DSE: variants seen among roughly 807,000 people sequenced by gnomAD.
DSE encodes the protein dermatan-sulfate epimerase.
Under a neutral mutation model 84.4 loss-of-function variants are expected in DSE, and 36 were observed. That is an observed-to-expected ratio of 0.43 (90% confidence interval 0.33 to 0.56). The LOEUF is 0.56. Ranked by LOEUF, DSE falls within the 20% of genes least tolerant of loss-of-function variation. The pLI is 0.06. For synonymous variants in DSE, 410 were observed against 430.1 expected, an observed-to-expected ratio of 0.95 and a Z score of 0.58; for missense variants, 862 against 1,169.6, an observed-to-expected ratio of 0.74 and a Z score of 3.84.
intron 2 of DSE, among the ~76,000 whole-genome samples, chr6:116,259,405 T>C (rs987943448): frequency 6.6e-6 from 1 of 152,196 alleles, no homozygotes; most frequent in African/African-American, 2.4e-5. Context: ...TGAGATAGAT[T>C]TTCTGAAATT....
intron 2 of DSE, among the ~76,000 whole-genome samples, chr6:116,322,324 T>A (rs976443413): frequency 1.3e-5 from 2 of 152,168 alleles, no homozygotes; most frequent in African/African-American, 4.8e-5. Context: ...TTTTAGTTTT[T>A]ACTTTTTCTT....
In DSE at chr6:116,433,638, A is replaced by G. The variant is rs530318713; in HGVS notation, c.1118+88A>G. On this transcript the variant is annotated intron_variant, in intron 5 of 5. Transcript: ENST00000644252. ...ACTTGTTTTTTTGCATTTAAAAAGAAAAACTAAAACACTTTTTAAATCTTT... is the reference window on the plus strand; with the variant it reads ...ACTTGTTTTTTTGCATTTAAAAAGAGAAACTAAAACACTTTTTAAATCTTT... 2.2e-6 allele frequency: 3 copies of G among 1,345,938 alleles called. No individual in the cohort carries two copies. In the African/African-American group the frequency reaches 4.4e-5, roughly 20 times the overall value. The allele number at this position is 1,345,938 out of a possible 1,614,324, so 83.4% of individuals were successfully genotyped here.
intron 4 of DSE, among the ~76,000 whole-genome samples, 199 bp downstream of exon 4, chr6:116,431,392 A>G (rs958695544): frequency 3.3e-5 from 5 of 152,218 alleles, no homozygotes; most frequent in Admixed American, 2.6e-4. Context: ...GTGAGTATTT[A>G]TGATTTAGGT....
intron 2 of DSE, chr6:116,400,732 T>G (rs185674604): frequency 1.3e-5 from 2 of 152,324 alleles, no homozygotes; most frequent in Non-Finnish European, 2.9e-5. Context: ...GAATTTTTTA[T>G]TTGATTTATT....
chr6:116,322,156 A>C (rs1719507431), intron 2 of DSE, among the ~76,000 whole-genome samples: 2 of 152,140 alleles, frequency 1.3e-5, no homozygotes, highest in African/African-American at 4.8e-5. Flanking sequence ...TGTACTGGTA[A>C]TTAGATCAGA....
chr6:116,331,788 C>T (rs1776956527), intron 2 of DSE, among the ~76,000 whole-genome samples: 1 of 152,124 alleles, frequency 6.6e-6, no homozygotes, highest in Admixed American at 6.5e-5. Context: ...GAAACCCTGT[C>T]TCTACTAAAA....
At chr6:116,310,341 T>C (rs185726978) in intron 2 of DSE, among the ~76,000 whole-genome samples, 139 of 152,294 alleles carry the variant, frequency 9.1e-4, no homozygotes, top group Admixed American at 1.6e-3. Context: ...TTTTTAAATA[T>C]ACTGATAAAT....
At chr6:116,296,278 TA>T (rs1378530119) in intron 2 of DSE, among the ~76,000 whole-genome samples, 2 of 152,224 alleles carry the variant, frequency 1.3e-5, no homozygotes, top group Non-Finnish European at 2.9e-5. Context: ...TATACTGTAT[TA>T]TTTTTTAATT....
chr6:116,397,735 A>G (rs1322172327), intron 1 of DSE, among the ~76,000 whole-genome samples: 1 of 152,152 alleles, frequency 6.6e-6, no homozygotes. Flanking sequence ...AGTTATTTCT[A>G]TTTCATATGT....
At chr6:116,366,120 A>G (rs1164737739), upstream of DSE, 1 of 152,258 alleles carries the variant, frequency 6.6e-6, no homozygotes, top group African/African-American at 2.4e-5. Flanking sequence ...TCCTTCCAGA[A>G]ACTGTATGAG....
At chr6:116,322,221 T>C (rs1053429936) in intron 2 of DSE, among the ~76,000 whole-genome samples, 2 of 152,140 alleles carry the variant, frequency 1.3e-5, no homozygotes, top group Non-Finnish European at 2.9e-5. Context: ...CTGTAATCTA[T>C]AGATAACATA....
At chr6:116,342,672 A>C (rs1294503398) in intron 2 of DSE, among the ~76,000 whole-genome samples, 2 of 152,216 alleles carry the variant, frequency 1.3e-5, no homozygotes, top group African/African-American at 2.4e-5. Flanking sequence ...GCTCAGTTAA[A>C]ATATATACAT....
At chr6:116,342,316 C>G (rs2501048) in intron 2 of DSE, among the ~76,000 whole-genome samples, 110,506 of 146,338 alleles carry the variant, frequency 0.76, 42,887 homozygotes, top group East Asian at 1. Context: ...GTCTTGCTCT[C>G]TTGCCCAGAG....
At chr6:116,293,868 G>A (rs914865172) in intron 2 of DSE, among the ~76,000 whole-genome samples, 1 of 151,974 alleles carries the variant, frequency 6.6e-6, no homozygotes, top group Non-Finnish European at 1.5e-5. Context: ...GTGACAGAAT[G>A]AGACGTTGCC....
intron 2 of DSE, among the ~76,000 whole-genome samples, chr6:116,292,862 A>C (rs1774378365): frequency 6.6e-6 from 1 of 152,218 alleles, no homozygotes; most frequent in Admixed American, 6.5e-5. Context: ...GTATATGCTA[A>C]TTATATTTTA....
chr6:116,389,665 G>C (rs144170473), intron 1 of DSE, among the ~76,000 whole-genome samples: 4 of 152,242 alleles, frequency 2.6e-5, no homozygotes, highest in Admixed American at 6.5e-5. Flanking sequence ...ATAGGGTTGA[G>C]ATTTAGCTGT....
intron 2 of DSE, among the ~76,000 whole-genome samples, chr6:116,319,351 T>C (rs1023567977): frequency 5.9e-5 from 9 of 152,204 alleles, no homozygotes; most frequent in Non-Finnish European, 1.2e-4. Context: ...GGGAACTCTG[T>C]TTTTGTAGTT....
intron 2 of DSE, among the ~76,000 whole-genome samples, chr6:116,262,976 A>AT (rs1047042118): frequency 6.6e-6 from 1 of 152,062 alleles, no homozygotes; most frequent in Non-Finnish European, 1.5e-5. Context: ...GGTTCAAGAG[A>AT]TTTTTTGTTA....
At chr6:116,364,634 A>G (rs574180956) in intron 2 of DSE, among the ~76,000 whole-genome samples, 2 of 152,366 alleles carry the variant, frequency 1.3e-5, no homozygotes, top group South Asian at 4.1e-4. Flanking sequence ...TTCAGCCAGT[A>G]TTGACATCAA....
Sources: gnomAD v4.1 joint callset for allele counts (sites outside exome capture counted in the v4.1 genomes callset) on GRCh38, gnomAD v4.1.1 for gene constraint, MANE v1.5 for transcripts, NCBI Gene and HGNC (gene_info 2026-07-23, HGNC 2026-07-21) for gene names.